The following COQ8A variants were observed in gnomAD, a reference collection of about 807,000 sequenced individuals.
COQ8A encodes the protein coenzyme Q8A.
A neutral mutation model predicts 65.0 loss-of-function variants in COQ8A; 51 were observed. The observed-to-expected ratio is 0.78, with a 90% CI of 0.63 to 0.99. The LOEUF (loss-of-function observed/expected upper bound fraction) is 0.99, where lower values mean the gene tolerates loss of function less well. Among genes scored for constraint, COQ8A ranks in the 50% least tolerant of loss-of-function variants. The pLI, the probability that COQ8A is intolerant of heterozygous loss-of-function variation, is 0.00. For synonymous variants in COQ8A, 371 were observed against 353.2 expected (o/e 1.05, Z -0.57); for missense variants, 940 against 875.0 (o/e 1.07, Z -0.94).
intron 4 of COQ8A, among the ~76,000 whole-genome samples, chr1:226,968,209 A>C (rs150754809): frequency 0.042 from 6,381 of 152,036 alleles, 441 homozygotes; most frequent in African/African-American, 0.14. Flanking sequence ...GTGGCATGTG[A>C]CTGTAATCCC....
chr1:226,971,282 G>A (rs1658896090), intron 4 of COQ8A, among the ~76,000 whole-genome samples: 1 of 151,982 alleles, frequency 6.6e-6, no homozygotes, highest in South Asian at 2.1e-4. Flanking sequence ...GCTGGGCACG[G>A]TGGCTCATGC....
intron 4 of COQ8A, among the ~76,000 whole-genome samples, chr1:226,971,502 A>G (rs1204036985): frequency 6.6e-6 from 1 of 151,980 alleles, no homozygotes; most frequent in African/African-American, 2.4e-5. Flanking sequence ...CAGTGAGCCA[A>G]GATGGCGGCG....
Position 226,984,707 on chromosome 1 carries a change from T to C in COQ8A, c.1506+52T>C, listed in dbSNP as rs373853041. On this transcript the variant is annotated intron_variant, in intron 12 of 14. Transcript: ENST00000366777. ...AGCCAGGCCTGAGAGCTTCTCCGAATGGGGCACGTGAGGCCCTGGACTGCC... is the reference window on the plus strand; with the variant it reads ...AGCCAGGCCTGAGAGCTTCTCCGAACGGGGCACGTGAGGCCCTGGACTGCC... The C allele has an allele frequency of 9.0e-6, 14 of 1,562,684 alleles. No individual in the cohort carries two copies. In the East Asian group the frequency reaches 1.6e-4, roughly 18 times the overall value.
intron 5 of COQ8A, among the ~76,000 whole-genome samples, chr1:226,980,791 G>A (rs1427225001): frequency 6.6e-6 from 1 of 152,248 alleles, no homozygotes. Context: ...TGTGTGGGCA[G>A]ATGCGGGTCT....
At chr1:226,983,072 G>T (rs752392869) in intron 8 of COQ8A, 38 bp downstream of exon 8, 2 of 1,557,678 alleles carry the variant, frequency 1.3e-6, no homozygotes, top group African/African-American at 2.7e-5. Context: ...CCCTATGGGG[G>T]CTGCAAGGGG....
intron 1 of COQ8A, among the ~76,000 whole-genome samples, chr1:226,957,841 G>A (rs912272818): frequency 1.6e-4 from 25 of 152,128 alleles, no homozygotes; most frequent in African/African-American, 6.0e-4. Flanking sequence ...TTTCCAGCTC[G>A]TGTGCAGGTC....
intron 13 of COQ8A, 151 bp from the exon 14 acceptor site, chr1:226,985,103 C>T: frequency 8.0e-7 from 1 of 1,246,788 alleles, no homozygotes; most frequent in Non-Finnish European, 1.2e-6. Flanking sequence ...AGGCTGACAG[C>T]TGCCAGGCGT....
At chr1:226,977,606 G>T in intron 5 of COQ8A, 83 bp downstream of exon 5, 1 of 1,445,712 alleles carries the variant, frequency 6.9e-7, no homozygotes. Context: ...CCTGTGCTCT[G>T]GGAGTGTCAG....
chr1:226,969,536 A>G (rs1658766179), intron 4 of COQ8A, among the ~76,000 whole-genome samples: 1 of 152,110 alleles, frequency 6.6e-6, no homozygotes, highest in Non-Finnish European at 1.5e-5. Flanking sequence ...GCGCCCGGCC[A>G]GATTTAGAAT....
At chr1:226,948,843 G>A (rs1029406124) in intron 1 of COQ8A, among the ~76,000 whole-genome samples, 4 of 152,206 alleles carry the variant, frequency 2.6e-5, no homozygotes, top group South Asian at 2.1e-4. Context: ...TCAGGAGAAC[G>A]TAAATATGGA....
At chr1:226,958,379 A>G (rs1369305913) in intron 1 of COQ8A, 1 of 152,286 alleles carries the variant, frequency 6.6e-6, no homozygotes, top group Non-Finnish European at 1.5e-5. Flanking sequence ...CACGCTGGGC[A>G]GCGGCAGCTG....
In COQ8A at chr1:226,984,647, C is replaced by G; in HGVS notation, c.1498C>G (p.Gln500Glu). ...NWSNFFYDPQ[Q>E]HKVALLDFGA... ...GTCCAACTTCTTCTATGACCCCCAGCAGCACAAGGTGAGCCCCAGGGTGGG... is the reference window on the plus strand; with the variant it reads ...GTCCAACTTCTTCTATGACCCCCAGGAGCACAAGGTGAGCCCCAGGGTGGG... The change falls in exon 12 of 15, where the codon CAG (glutamine) becomes GAG (glutamate). Residue 500 changes from glutamine (Q) to glutamate (E), a missense_variant. Transcript: ENST00000366777. 6.2e-7 allele frequency: 1 copy of G among 1,613,982 alleles called. No individual in the cohort carries two copies. Among genetic ancestry groups the G allele is most frequent in the Non-Finnish European group, 8.5e-7 (1 of 1,179,818 alleles).
At chr1:226,953,978 C>A (rs1401170598) in intron 1 of COQ8A, among the ~76,000 whole-genome samples, 1 of 152,194 alleles carries the variant, frequency 6.6e-6, no homozygotes, top group Non-Finnish European at 1.5e-5. Context: ...GGAAAAATTT[C>A]AAGGACGTAA....
chr1:226,978,137 CCA>C (rs1200639528), intron 5 of COQ8A, among the ~76,000 whole-genome samples: 1 of 151,076 alleles, frequency 6.6e-6, no homozygotes, highest in African/African-American at 2.4e-5. Flanking sequence ...CACCAAACAC[CCA>C]CACATCTTAC....
chr1:226,967,494 A>G (rs1046608813), intron 4 of COQ8A, among the ~76,000 whole-genome samples: 4 of 152,234 alleles, frequency 2.6e-5, no homozygotes, highest in African/African-American at 9.6e-5. Context: ...AAAAGTGGTC[A>G]GAATGAAAGT....
intron 1 of COQ8A, among the ~76,000 whole-genome samples, chr1:226,941,095 A>C (rs1656661307): frequency 6.6e-6 from 1 of 152,176 alleles, no homozygotes; most frequent in Non-Finnish European, 1.5e-5. Context: ...CCCCTCTGCC[A>C]AACCCTCTTT....
rs369465514 is a variant in COQ8A, at chr1:226,977,431, G to A, written c.656-18G>A. Reference sequence around the variant, plus strand: ...AGCCCTGCGTGAGCACTGAGTGCCCGCCCCCTCCTCCTTGCAGGTCTGGCC... The same window carrying A: ...AGCCCTGCGTGAGCACTGAGTGCCCACCCCCTCCTCCTTGCAGGTCTGGCC... On this transcript the variant is annotated intron_variant, in intron 4 of 14. Transcript: ENST00000366777. 43 of 1,552,698 alleles carry A rather than the reference G, an allele frequency of 2.8e-5. No individual in the cohort carries two copies. The highest frequency in any genetic ancestry group is 1.4e-4 in the South Asian group (12 of 84,332).
chr1:226,960,466 G>A (rs1310982950), intron 1 of COQ8A, among the ~76,000 whole-genome samples: 11 of 7,372 alleles, frequency 1.5e-3, no homozygotes, highest in Admixed American at 3.9e-3. Flanking sequence ...GCAGTACTTG[G>A]TGGTGGTGGC....
In COQ8A at chr1:226,982,019, G is replaced by A. The variant is rs762881309; in HGVS notation, c.731-8G>A. ...AGTGCCGTGGTGACCCCTCTTGCCC[G>A]CCCACAGGGAAGAAGGCCGTGCTGG... On this transcript the variant is annotated splice_polypyrimidine_tract_variant and splice_region_variant and intron_variant, in intron 5 of 14. Coordinates refer to ENST00000366777, the MANE Select transcript of COQ8A (RefSeq NM_020247.5). 1.7e-5 allele frequency: 28 copies of A among 1,612,756 alleles called. No individual in the cohort carries two copies. Among genetic ancestry groups the A allele is most frequent in the South Asian group, 3.3e-5 (3 of 91,088 alleles).
Sources: allele counts gnomAD v4.1 joint callset (sites outside exome capture counted in the v4.1 genomes callset), GRCh38; gene constraint gnomAD v4.1.1; transcripts MANE v1.5; gene names NCBI Gene and HGNC (gene_info 2026-07-23, HGNC 2026-07-21).